The following ADAMTS17 variants were observed in gnomAD, a reference collection of about 807,000 sequenced individuals.
ADAMTS17 encodes the protein ADAM metallopeptidase with thrombospondin type 1 motif 17, also known as A disintegrin and metalloproteinase with thrombospondin motifs 17.
A neutral mutation model predicts 141.5 loss-of-function variants in ADAMTS17; 113 were observed. That is an observed-to-expected ratio of 0.80 (90% CI 0.69 to 0.93). ADAMTS17 has a LOEUF of 0.93. Ranked by LOEUF, ADAMTS17 falls within the 40% of genes least tolerant of loss-of-function variation. The pLI, the probability that ADAMTS17 is intolerant of heterozygous loss-of-function variation, is 0.00. For missense variants in ADAMTS17, 1,659 were observed against 1,517.9 expected (o/e 1.09, Z -1.54); for synonymous variants, 768 against 630.6 (o/e 1.22, Z -3.27).
chr15:100,069,607 G>C (rs1171050940), intron 15 of ADAMTS17, among the ~76,000 whole-genome samples: 8 of 152,132 alleles, frequency 5.3e-5, no homozygotes, highest in Admixed American at 2.0e-4. Flanking sequence ...TTAAAGAAAG[G>C]AATTTTCAAC....
chr15:100,141,201 C>T (rs1374904727), intron 10 of ADAMTS17, among the ~76,000 whole-genome samples: 1 of 152,218 alleles, frequency 6.6e-6, no homozygotes, highest in Non-Finnish European at 1.5e-5. Flanking sequence ...CATGATGAGC[C>T]AGCAGCAAGC....
intron 4 of ADAMTS17, among the ~76,000 whole-genome samples, chr15:100,277,633 T>C (rs944760443): frequency 6.6e-6 from 1 of 152,204 alleles, no homozygotes; most frequent in Admixed American, 6.5e-5. Flanking sequence ...ACTGCAGCAA[T>C]GCAGCCCGTC....
At chr15:100,216,022 A>G (rs1363568349) in intron 7 of ADAMTS17, among the ~76,000 whole-genome samples, 1 of 152,176 alleles carries the variant, frequency 6.6e-6, no homozygotes, top group African/African-American at 2.4e-5. Context: ...TTGTGCCAGC[A>G]GAGTCTGAGC....
intron 3 of ADAMTS17, among the ~76,000 whole-genome samples, chr15:100,291,725 G>A (rs992129317): frequency 6.6e-6 from 1 of 152,142 alleles, no homozygotes; most frequent in African/African-American, 2.4e-5. Context: ...CATCCTAAGC[G>A]AACTAACACC....
At position 100,116,950 on chromosome 15, in the gene ADAMTS17, C is replaced by A. The variant is rs994281689; in HGVS notation, c.1785G>T (p.Leu595=). 6.2e-7 allele frequency: 1 copy of A among 1,614,048 alleles called. No individual in the cohort carries two copies. The highest frequency in any genetic ancestry group is 8.5e-7 in the Non-Finnish European group (1 of 1,180,012). ...ASVEHAVCEN[L]PCPKGLPSFR... ...AGCTGGGCAGACCCTTGGGGCAGGG[C>A]AGGTTCTCGCAGACCGCATGTTCTA... The change falls in exon 13 of 22, where the codon CTG becomes CTT. Residue 595 remains leucine (L), a synonymous_variant. Coordinates refer to ENST00000268070, the MANE Select transcript of ADAMTS17 (RefSeq NM_139057.4).
chr15:100,130,668 T>G (rs1596511375), intron 12 of ADAMTS17, among the ~76,000 whole-genome samples: 1 of 152,284 alleles, frequency 6.6e-6, no homozygotes, highest in South Asian at 2.1e-4. Context: ...GGCATCAGGA[T>G]TTTTAAACAT....
chr15:100,162,481 A>G (rs201057428), intron 8 of ADAMTS17, among the ~76,000 whole-genome samples: 5 of 134,312 alleles, frequency 3.7e-5, no homozygotes, highest in African/African-American at 1.4e-4. Flanking sequence ...TTATATGTGT[A>G]TATATATGCA....
chr15:100,048,212 G>C (rs944253010), intron 18 of ADAMTS17, among the ~76,000 whole-genome samples: 22 of 152,152 alleles, frequency 1.4e-4, no homozygotes, highest in African/African-American at 5.3e-4. Context: ...TCAATTCACA[G>C]CAGGACGGAA....
intron 3 of ADAMTS17, among the ~76,000 whole-genome samples, chr15:100,292,398 G>A (rs973782637): frequency 1.3e-5 from 2 of 150,984 alleles, no homozygotes; most frequent in African/African-American, 4.9e-5. Context: ...GTGAAATTAC[G>A]AGAGACACTC....
intron 18 of ADAMTS17, among the ~76,000 whole-genome samples, chr15:100,013,082 C>T (rs949831604): frequency 6.6e-6 from 1 of 152,034 alleles, no homozygotes; most frequent in Admixed American, 6.6e-5. Flanking sequence ...TTATAGTTTT[C>T]CTTGTAAAGG....
intron 3 of ADAMTS17, among the ~76,000 whole-genome samples, chr15:100,302,894 G>C (rs1020810195): frequency 2.6e-5 from 4 of 152,024 alleles, no homozygotes; most frequent in Admixed American, 6.6e-5. Flanking sequence ...TACAAAGCAG[G>C]CAGAAAAATG....
intron 12 of ADAMTS17, among the ~76,000 whole-genome samples, chr15:100,119,320 G>A (rs559655235): frequency 1.4e-4 from 21 of 152,102 alleles, no homozygotes; most frequent in Non-Finnish European, 2.9e-4. Context: ...GATGCTCCTC[G>A]CGGAACTTAC....
intron 15 of ADAMTS17, among the ~76,000 whole-genome samples, chr15:100,060,993 G>A (rs148543868): frequency 3.9e-5 from 6 of 152,184 alleles, no homozygotes; most frequent in African/African-American, 1.4e-4. Flanking sequence ...CCAGGCCCTG[G>A]AGTCCTGGGA....
chr15:100,116,215 A>G (rs2037121626), intron 13 of ADAMTS17, among the ~76,000 whole-genome samples: 2 of 151,852 alleles, frequency 1.3e-5, no homozygotes, highest in African/African-American at 2.4e-5. Context: ...ACATTAATTA[A>G]GCAGACATTA....
chr15:100,229,197 T>C (rs562993578), intron 7 of ADAMTS17, among the ~76,000 whole-genome samples: 1 of 152,210 alleles, frequency 6.6e-6, no homozygotes, highest in East Asian at 1.9e-4. Flanking sequence ...CAGCTTTAAG[T>C]CCTGCACAAC....
intron 8 of ADAMTS17, among the ~76,000 whole-genome samples, chr15:100,182,961 T>C (rs1328353021): frequency 6.6e-6 from 1 of 152,182 alleles, no homozygotes; most frequent in African/African-American, 2.4e-5. Context: ...AGTGCCACAA[T>C]CTTTATCCTT....
intron 8 of ADAMTS17, among the ~76,000 whole-genome samples, chr15:100,161,555 G>T (rs866202152): frequency 3.9e-5 from 6 of 152,186 alleles, no homozygotes; most frequent in South Asian, 4.1e-4. Flanking sequence ...TATTGACTTT[G>T]CAGTAACTGG....
intron 15 of ADAMTS17, among the ~76,000 whole-genome samples, chr15:100,065,390 G>T (rs1439780603): frequency 3.9e-5 from 6 of 152,104 alleles, no homozygotes; most frequent in African/African-American, 9.7e-5. Context: ...TGATCTATAG[G>T]CTATATGAGG....
intron 18 of ADAMTS17, among the ~76,000 whole-genome samples, chr15:100,045,612 T>C (rs2031623805): frequency 6.6e-6 from 1 of 152,160 alleles, no homozygotes. Context: ...TTGAGATATA[T>C]GCAGAATTTG....
Sources: allele counts gnomAD v4.1 joint callset (sites outside exome capture counted in the v4.1 genomes callset), GRCh38; gene constraint gnomAD v4.1.1; transcripts MANE v1.5; gene names NCBI Gene and HGNC (gene_info 2026-07-23, HGNC 2026-07-21).